The following GFRA1 variants were observed in gnomAD, a reference collection of about 807,000 sequenced individuals.
GFRA1 encodes the protein GDNF family receptor alpha 1.
In GFRA1, 16 loss-of-function variants were observed where a neutral mutation model predicts 51.6. That is an observed-to-expected ratio of 0.31 (90% CI 0.21 to 0.47). The LOEUF is 0.47. Ranked by LOEUF, GFRA1 falls within the 20% of genes least tolerant of loss-of-function variation. The probability of loss-of-function intolerance (pLI) is 1.00; values close to 1 mark genes in which losing one functional copy is unlikely to be tolerated. For missense variants in GFRA1, 530 were observed against 594.3 expected, an observed-to-expected ratio of 0.89 and a Z score of 1.13; for synonymous variants, 270 against 241.3, an observed-to-expected ratio of 1.12 and a Z score of -1.10.
intron 4 of GFRA1, among the ~76,000 whole-genome samples, chr10:116,215,731 T>G (rs1437351348): frequency 6.6e-6 from 1 of 152,176 alleles, no homozygotes; most frequent in African/African-American, 2.4e-5. Flanking sequence ...ACAATCAGGT[T>G]GAGCCCAAAG....
At chr10:116,119,888 A>G (rs74418442) in intron 6 of GFRA1, among the ~76,000 whole-genome samples, 3,585 of 152,346 alleles carry the variant, frequency 0.024, 120 homozygotes, top group African/African-American at 0.081. Flanking sequence ...ACAACATTAC[A>G]TTTCCTCTAA....
intron 5 of GFRA1, among the ~76,000 whole-genome samples, chr10:116,144,446 C>G (rs1958706941): frequency 6.6e-6 from 1 of 151,768 alleles, no homozygotes; most frequent in South Asian, 2.1e-4. Flanking sequence ...GTGCTAGTTA[C>G]CTATGAGGAA....
At chr10:116,237,670 A>AC (rs985933481) in intron 4 of GFRA1, among the ~76,000 whole-genome samples, 5 of 150,274 alleles carry the variant, frequency 3.3e-5, no homozygotes, top group Non-Finnish European at 7.4e-5. Context: ...ATAGGCACCC[A>AC]CCCCCCATGG....
intron 5 of GFRA1, among the ~76,000 whole-genome samples, chr10:116,155,080 A>G (rs1959174297): frequency 6.6e-6 from 1 of 152,238 alleles, no homozygotes; most frequent in South Asian, 2.1e-4. Context: ...TTTAAAAATA[A>G]TGACACTGTG....
intron 5 of GFRA1, among the ~76,000 whole-genome samples, chr10:116,181,961 T>C (rs1288309935): frequency 6.6e-6 from 1 of 152,208 alleles, no homozygotes; most frequent in Non-Finnish European, 1.5e-5. Context: ...CTTTTTGTTT[T>C]GAGTAAAAAT....
chr10:116,057,726 C>A lies in GFRA1; in HGVS notation c.*6672G>T, dbSNP rs2133721802. 6.7e-6 allele frequency: 1 copy of A among 148,334 alleles called. No homozygotes were observed. The highest frequency in any genetic ancestry group is 2.5e-5 in the African/African-American group (1 of 39,656). The allele number at this position is 148,334 out of a possible 1,614,324, so 9.2% of individuals were successfully genotyped here. A position where few individuals can be genotyped will look rare whatever the true frequency, so the allele number is the denominator to read the frequency against. On this transcript the variant is annotated 3_prime_UTR_variant, in exon 11 of 11. Coordinates refer to ENST00000355422, the MANE Select transcript of GFRA1 (RefSeq NM_005264.8). ...ACTATAAGGCCCTGGATTCAGGTTT[C>A]TGAAACTGTTTTTTTTTTTTCAACC...
chr10:116,205,441 G>A (rs918367321), intron 5 of GFRA1, among the ~76,000 whole-genome samples: 11 of 151,642 alleles, frequency 7.3e-5, no homozygotes, highest in Non-Finnish European at 1.0e-4. Flanking sequence ...TGGGCGTAGC[G>A]GCACGTGCCT....
rs191693347 is a variant in GFRA1 at position 116,261,980 on chromosome 10, T to G, written c.418+7523A>C. Among the ~76,000 whole-genome samples the G allele has an allele frequency of 6.0e-3, 912 of 152,220 alleles. 9 individuals carry two copies. Among genetic ancestry groups the G allele is most frequent in the African/African-American group, 0.019 (772 of 41,526 alleles). ...TCCTGACTCCTGGATCCATACACTT[T>G]TACCAAACAAGCCCCAATTTGATAC... On this transcript the variant is annotated intron_variant, in intron 4 of 10. Transcript: ENST00000355422.
chr10:116,196,718 C>CTA (rs577782720), intron 5 of GFRA1, among the ~76,000 whole-genome samples: 1 of 84,768 alleles, frequency 1.2e-5, no homozygotes, highest in African/African-American at 5.1e-5. Flanking sequence ...ATATATAGTA[C>CTA]TATATATAAT....
chr10:116,270,007 A>T (rs1843772016), intron 3 of GFRA1, among the ~76,000 whole-genome samples: 1 of 152,146 alleles, frequency 6.6e-6, no homozygotes, highest in African/African-American at 2.4e-5. Flanking sequence ...TGGCTATTAA[A>T]CAGCCCACCT....
intron 6 of GFRA1, among the ~76,000 whole-genome samples, chr10:116,120,545 A>C (rs1431130022): frequency 6.6e-6 from 1 of 152,214 alleles, no homozygotes; most frequent in East Asian, 1.9e-4. Flanking sequence ...CAACTGCAAC[A>C]CTGCACTCCA....
intron 4 of GFRA1, among the ~76,000 whole-genome samples, chr10:116,221,453 C>G (rs1965918571): frequency 6.6e-6 from 1 of 152,166 alleles, no homozygotes; most frequent in African/African-American, 2.4e-5. Context: ...AAGACAGAGT[C>G]TCACTCTGTT....
At chr10:116,192,692 A>C (rs1269536256) in intron 5 of GFRA1, among the ~76,000 whole-genome samples, 3 of 152,140 alleles carry the variant, frequency 2.0e-5, no homozygotes, top group Non-Finnish European at 4.4e-5. Flanking sequence ...ACATCCTCTT[A>C]AAAGTGTGGT....
chr10:116,232,002 G>C (rs1966708852), intron 4 of GFRA1, among the ~76,000 whole-genome samples: 1 of 152,152 alleles, frequency 6.6e-6, no homozygotes, highest in African/African-American at 2.4e-5. Flanking sequence ...TATGGAGAGG[G>C]CAAAGAGGAG....
chr10:116,092,580 A>G (rs1393532246), intron 8 of GFRA1, among the ~76,000 whole-genome samples: 1 of 152,092 alleles, frequency 6.6e-6, no homozygotes, highest in Non-Finnish European at 1.5e-5. Context: ...TGGTTCCTGA[A>G]GTTCAGGCCT....
chr10:116,232,597 T>G (rs1026189000), intron 4 of GFRA1, among the ~76,000 whole-genome samples: 1 of 151,936 alleles, frequency 6.6e-6, no homozygotes, highest in African/African-American at 2.4e-5. Context: ...TATTATGGAG[T>G]AATTAAACAC....
At chr10:116,233,341 A>C (rs10885881) in intron 4 of GFRA1, among the ~76,000 whole-genome samples, 4 of 151,376 alleles carry the variant, frequency 2.6e-5, no homozygotes, top group Non-Finnish European at 5.9e-5. Flanking sequence ...AAAAAAAAAA[A>C]TTTTTTAATT....
chr10:116,182,317 T>C (rs1962313457), intron 5 of GFRA1, among the ~76,000 whole-genome samples: 1 of 152,198 alleles, frequency 6.6e-6, no homozygotes, highest in Non-Finnish European at 1.5e-5. Context: ...CTATATTTTG[T>C]CCAGAAACCA....
intron 4 of GFRA1, among the ~76,000 whole-genome samples, chr10:116,243,687 C>G (rs1411939200): frequency 2.6e-5 from 4 of 151,924 alleles, no homozygotes; most frequent in Non-Finnish European, 5.9e-5. Flanking sequence ...GAGTGGGGTC[C>G]AGGTATCAGG....
Sources: allele counts gnomAD v4.1 joint callset (sites outside exome capture counted in the v4.1 genomes callset), GRCh38; gene constraint gnomAD v4.1.1; transcripts MANE v1.5; gene names NCBI Gene and HGNC (gene_info 2026-07-23, HGNC 2026-07-21).